PGCKA1: variants seen among roughly 807,000 people sequenced by gnomAD.
PGCKA1 encodes the protein PDCD10 and GCKIII kinases-associated protein 1.
the PGCKA1 span, among the ~76,000 whole-genome samples, chr4:37,574,097 A>T: frequency 2.6e-5 from 4 of 152,200 alleles, no homozygotes; most frequent in South Asian, 8.3e-4. Flanking sequence ...CTGAGACAGG[A>T]GAATCGCTTG....
At chr4:37,542,062 G>A in the PGCKA1 span, among the ~76,000 whole-genome samples, 4 of 152,080 alleles carry the variant, frequency 2.6e-5, no homozygotes, top group Non-Finnish European at 2.9e-5. Context: ...CCTGTACAGC[G>A]CATCTTCCAT....
the PGCKA1 span, among the ~76,000 whole-genome samples, chr4:37,520,119 T>A: frequency 6.6e-6 from 1 of 152,352 alleles, no homozygotes; most frequent in East Asian, 1.9e-4. Context: ...TGCCATGTGA[T>A]CATGATGAAT....
At chr4:37,554,636 C>T in the PGCKA1 span, among the ~76,000 whole-genome samples, 4 of 152,172 alleles carry the variant, frequency 2.6e-5, no homozygotes, top group Admixed American at 1.3e-4. Flanking sequence ...GTGTGAGCCA[C>T]CACACCCGGC....
chr4:37,582,479 G>A, the PGCKA1 span, among the ~76,000 whole-genome samples: 18 of 152,248 alleles, frequency 1.2e-4, no homozygotes, highest in African/African-American at 3.4e-4. Context: ...TGTCAATAAC[G>A]ACCTTTTAGC....
the PGCKA1 span, among the ~76,000 whole-genome samples, chr4:37,521,291 AC>A: frequency 6.6e-6 from 1 of 152,148 alleles, no homozygotes; most frequent in Non-Finnish European, 1.5e-5. Flanking sequence ...GTGCAGTAGA[AC>A]ACCAGGTAGA....
chr4:37,548,001 C>CAAAAAAA, the PGCKA1 span, among the ~76,000 whole-genome samples: 13 of 115,742 alleles, frequency 1.1e-4, no homozygotes, highest in African/African-American at 4.2e-4. Context: ...TGGTTATCTT[C>CAAAAAAA]AAAAAAAAAA....
the PGCKA1 span, among the ~76,000 whole-genome samples, chr4:37,469,031 C>T: frequency 6.6e-6 from 1 of 152,084 alleles, no homozygotes; most frequent in Non-Finnish European, 1.5e-5. Context: ...GATTATAATA[C>T]CGTATTTTTA....
At chr4:37,491,894 A>T in the PGCKA1 span, among the ~76,000 whole-genome samples, 11 of 151,532 alleles carry the variant, frequency 7.3e-5, no homozygotes, top group Admixed American at 2.0e-4. Flanking sequence ...CATTCCTTTG[A>T]TGGAGGTTTT....
At chr4:37,474,524 A>G in the PGCKA1 span, among the ~76,000 whole-genome samples, 1 of 152,172 alleles carries the variant, frequency 6.6e-6, no homozygotes, top group Non-Finnish European at 1.5e-5. Context: ...AAGCCCAAAT[A>G]AAAGAGGGAA....
At chr4:37,485,230 G>A in the PGCKA1 span, among the ~76,000 whole-genome samples, 3,425 of 152,206 alleles carry the variant, frequency 0.023, 129 homozygotes, top group African/African-American at 0.078. Context: ...TGTTAAGGAA[G>A]GTGCTATGGT....
At chr4:37,584,371 C>G in the PGCKA1 span, 2 of 152,310 alleles carry the variant, frequency 1.3e-5, no homozygotes, top group African/African-American at 4.8e-5. Flanking sequence ...CGGAGAGGCG[C>G]GGAAGCATGA....
At chr4:37,588,819 C>T in the PGCKA1 span, 1 of 1,543,692 alleles carries the variant, frequency 6.5e-7, no homozygotes, top group East Asian at 2.2e-5. Flanking sequence ...TCACTGTGTT[C>T]TCTACCTTTT....
chr4:37,471,927 C>G, the PGCKA1 span, among the ~76,000 whole-genome samples: 1 of 152,282 alleles, frequency 6.6e-6, no homozygotes, highest in South Asian at 2.1e-4. Context: ...CCTCTGGCCT[C>G]ATTTTCTTTA....
At chr4:37,455,285 C>A in the PGCKA1 span, among the ~76,000 whole-genome samples, 1 of 152,218 alleles carries the variant, frequency 6.6e-6, no homozygotes, top group Non-Finnish European at 1.5e-5. Context: ...CTGGTCCCAG[C>A]TGTGAAACAC....
chr4:37,532,690 C>G, the PGCKA1 span, among the ~76,000 whole-genome samples: 1 of 152,156 alleles, frequency 6.6e-6, no homozygotes, highest in Non-Finnish European at 1.5e-5. Flanking sequence ...TTCCCCAAAA[C>G]AAAGGCACCA....
the PGCKA1 span, among the ~76,000 whole-genome samples, chr4:37,563,663 G>C: frequency 1.3e-5 from 2 of 152,204 alleles, no homozygotes; most frequent in African/African-American, 4.8e-5. Flanking sequence ...CCCTGAACTA[G>C]TTTATTCCAA....
At chr4:37,458,078 G>A in the PGCKA1 span, among the ~76,000 whole-genome samples, 6 of 152,158 alleles carry the variant, frequency 3.9e-5, no homozygotes, top group African/African-American at 1.4e-4. Flanking sequence ...CCTTTTTAGA[G>A]CTGGAAAAGA....
At chr4:37,476,205 T>G in the PGCKA1 span, among the ~76,000 whole-genome samples, 16 of 152,126 alleles carry the variant, frequency 1.1e-4, no homozygotes, top group African/African-American at 3.6e-4. Context: ...GGTAAATATA[T>G]TTAGCACATG....
the PGCKA1 span, among the ~76,000 whole-genome samples, chr4:37,540,209 G>A: frequency 8.5e-5 from 13 of 152,206 alleles, 1 homozygote; most frequent in Admixed American, 5.2e-4. Flanking sequence ...TTGTGCATGC[G>A]TGCATAATTA....
Sources: allele counts gnomAD v4.1 joint callset (sites outside exome capture counted in the v4.1 genomes callset), GRCh38; gene constraint gnomAD v4.1.1; transcripts MANE v1.5; gene names NCBI Gene and HGNC (gene_info 2026-07-23, HGNC 2026-07-21).